Variants in SMOC2 observed in about 807,000 individuals in gnomAD.
The protein encoded by SMOC2 is SPARC related modular calcium binding 2, also known as SPARC-related modular calcium-binding protein 2.
In SMOC2, 39 loss-of-function variants were observed where a neutral mutation model predicts 61.4. The ratio of observed to expected loss-of-function variants is 0.64; its 90% confidence interval spans 0.49 to 0.83. SMOC2 has a LOEUF of 0.83. Among genes scored for constraint, SMOC2 ranks in the 40% least tolerant of loss-of-function variants. SMOC2 has a pLI of 0.00. For synonymous variants in SMOC2, 247 were observed against 239.9 expected (o/e 1.03, Z -0.27); for missense variants, 556 against 592.9 (o/e 0.94, Z 0.65).
At chr6:168,513,950 C>A (rs1018125372) in intron 2 of SMOC2, among the ~76,000 whole-genome samples, 1 of 152,214 alleles carries the variant, frequency 6.6e-6, no homozygotes, top group African/African-American at 2.4e-5. Flanking sequence ...TCAGACTCTC[C>A]TATGAGGTGG....
intron 1 of SMOC2, among the ~76,000 whole-genome samples, chr6:168,508,773 C>T (rs1487932472): frequency 6.6e-6 from 1 of 152,260 alleles, no homozygotes; most frequent in Non-Finnish European, 1.5e-5. Context: ...AACAATGCCA[C>T]ATAGCCCCGC....
rs1158719427 is a variant in SMOC2 at position 168,595,794 on chromosome 6, G to C, written c.638-3024G>C. ...TATCATGCTCATCAAATTTTAAGAG[G>C]TTGATTTAATCCATCTTATTTTGCT... On this transcript the variant is annotated intron_variant, in intron 7 of 12. Transcript: ENST00000356284. Among the ~76,000 whole-genome samples, 12 of 152,274 alleles carry C rather than the reference G, an allele frequency of 7.9e-5. 1 individual carries two copies. The highest frequency in any genetic ancestry group is 2.9e-4 in the African/African-American group (12 of 41,554).
At chr6:168,546,425 T>C (rs1017000672) in intron 5 of SMOC2, among the ~76,000 whole-genome samples, 4 of 152,054 alleles carry the variant, frequency 2.6e-5, no homozygotes, top group African/African-American at 9.7e-5. Flanking sequence ...GGGGGCCCAA[T>C]GTGTGTGTGT....
chr6:168,595,456 C>T (rs1481143256), intron 7 of SMOC2, among the ~76,000 whole-genome samples: 1 of 152,208 alleles, frequency 6.6e-6, no homozygotes, highest in Admixed American at 6.5e-5. Flanking sequence ...GAGAACCACC[C>T]CCGTCAGCTC....
intron 9 of SMOC2, among the ~76,000 whole-genome samples, chr6:168,611,554 C>T (rs1482113291): frequency 1.8e-5 from 1 of 54,634 alleles, no homozygotes; most frequent in East Asian, 5.9e-4. Flanking sequence ...TTCCCATGTC[C>T]GGGACCCACT....
chr6:168,650,370 G>A (rs1787161378), intron 9 of SMOC2, among the ~76,000 whole-genome samples: 1 of 152,166 alleles, frequency 6.6e-6, no homozygotes, highest in Non-Finnish European at 1.5e-5. Flanking sequence ...TAAGCACCCG[G>A]TGCCTCTGCT....
chr6:168,535,225 C>T lies in SMOC2; in HGVS notation c.463+7498C>T, dbSNP rs990213838. Among the ~76,000 whole-genome samples, 1 of 152,090 alleles carries T rather than the reference C, an allele frequency of 6.6e-6. No individual in the cohort carries two copies. Among genetic ancestry groups the T allele is most frequent in the African/African-American group, 2.4e-5 (1 of 41,418 alleles). ...GACCTTGTGATCCGCTCACCTTGGCCTCCCAAAGTGCTGGGATTACAGGCA... is the reference window on the plus strand; with the variant it reads ...GACCTTGTGATCCGCTCACCTTGGCTTCCCAAAGTGCTGGGATTACAGGCA... On this transcript the variant is annotated intron_variant, in intron 4 of 12. Transcript: ENST00000356284. This position sits in a 1 kb window ranked among gnomAD's most constrained non-coding sequence, Gnocchi z 4.6.
At chr6:168,443,863 G>A (rs1035614790) in intron 1 of SMOC2, among the ~76,000 whole-genome samples, 1 of 152,166 alleles carries the variant, frequency 6.6e-6, no homozygotes, top group Non-Finnish European at 1.5e-5. Flanking sequence ...GTGACTTCAG[G>A]CAAGTTACTT....
chr6:168,510,165 A>G, intron 2 of SMOC2, 79 bp downstream of exon 2: 2 of 1,444,550 alleles, frequency 1.4e-6, no homozygotes, highest in South Asian at 2.6e-5. Flanking sequence ...TTCATACTTG[A>G]TAACTTTTTA....
rs1300520334 is a variant in SMOC2 at position 168,544,204 on chromosome 6, C to T, written c.511+532C>T. Reference sequence around the variant, plus strand: ...TCTGCGGGGTCTGTCACATGCCCACCATGACCCCCCTGGGAAAGTCTCCAT... The same window carrying T: ...TCTGCGGGGTCTGTCACATGCCCACTATGACCCCCCTGGGAAAGTCTCCAT... On this transcript the variant is annotated intron_variant, in intron 5 of 12. Coordinates refer to ENST00000356284, the MANE Select transcript of SMOC2 (RefSeq NM_001166412.2). This position sits in a 1 kb window ranked among gnomAD's most constrained non-coding sequence, Gnocchi z 4.1. Among the ~76,000 whole-genome samples the T allele has an allele frequency of 3.3e-5, 5 of 152,188 alleles. No homozygotes were observed. The highest frequency in any genetic ancestry group is 1.2e-4 in the African/African-American group (5 of 41,442).
intron 2 of SMOC2, among the ~76,000 whole-genome samples, chr6:168,519,507 G>T (rs1383065275): frequency 6.6e-6 from 1 of 152,162 alleles, no homozygotes; most frequent in Non-Finnish European, 1.5e-5. Flanking sequence ...TTCCTCACAG[G>T]CTGGGGTAGA....
intron 1 of SMOC2, among the ~76,000 whole-genome samples, chr6:168,447,338 T>G (rs963291365): frequency 6.6e-6 from 1 of 152,204 alleles, no homozygotes; most frequent in South Asian, 2.1e-4. Flanking sequence ...GTCATCGATT[T>G]TCTTTCTCTT....
At chr6:168,639,693 G>T (rs111295302) in intron 9 of SMOC2, among the ~76,000 whole-genome samples, 2,764 of 152,298 alleles carry the variant, frequency 0.018, 85 homozygotes, top group African/African-American at 0.064. Context: ...CTTGGAATGC[G>T]TTCGATTCCA....
In SMOC2 at chr6:168,580,063, G is replaced by A. The variant is rs1159465841; in HGVS notation, c.638-18755G>A. On this transcript the variant is annotated intron_variant, in intron 7 of 12. Coordinates refer to ENST00000356284, the MANE Select transcript of SMOC2 (RefSeq NM_001166412.2). ...CATCAGGGGCTCTGAGATGCGTTCC[G>A]AGATGGTCTGTCTTTGTCACGGCTT... 4.6e-5 allele frequency among the ~76,000 whole-genome samples: 6 copies of A among 131,602 alleles called. No homozygotes were observed. In the East Asian group the frequency reaches 8.7e-4, roughly 19 times the overall value. 86.3% of individuals were successfully genotyped at this position (131,602 alleles called of 152,430 possible). A position where few individuals can be genotyped will look rare whatever the true frequency, so the allele number is the denominator to read the frequency against.
At chr6:168,472,902 ACT>A (rs1282927558) in intron 1 of SMOC2, among the ~76,000 whole-genome samples, 1 of 152,024 alleles carries the variant, frequency 6.6e-6, no homozygotes, top group Admixed American at 6.5e-5. Context: ...CTCCTCCCAC[ACT>A]GTTTGGTGCT....
rs2114995760 is a variant in SMOC2 at position 168,453,638 on chromosome 6, CTCTG to C, written c.84+12188_84+12191del. On this transcript the variant is annotated intron_variant, in intron 1 of 12. Transcript: ENST00000356284. The surrounding 1 kb of genome is among the most constrained non-coding windows in gnomAD (Gnocchi z 4.4). Reference sequence around the variant, plus strand: ...TTCCTGTCTCTGTCTCTTTGTCTCTCTCTGTCTCTTTCTCTCTGTCTCTTCCTGT... The same window carrying C: ...TTCCTGTCTCTGTCTCTTTGTCTCTCTCTCTTTCTCTCTGTCTCTTCCTGT... 6.6e-6 allele frequency among the ~76,000 whole-genome samples: 1 copy of C among 151,882 alleles called. No individual in the cohort carries two copies. Among genetic ancestry groups the C allele is most frequent in the African/African-American group, 2.4e-5 (1 of 41,452 alleles).
intron 9 of SMOC2, among the ~76,000 whole-genome samples, chr6:168,635,865 T>C (rs1321474734): frequency 1.0e-5 from 1 of 97,202 alleles, no homozygotes; most frequent in African/African-American, 3.8e-5. Flanking sequence ...AACAAGACTC[T>C]GTCTCAAAAA....
intron 7 of SMOC2, among the ~76,000 whole-genome samples, chr6:168,557,425 A>G (rs1175004746): frequency 2.0e-5 from 3 of 152,220 alleles, no homozygotes; most frequent in Non-Finnish European, 4.4e-5. Context: ...TTCAATATTC[A>G]ATCACACTGT....
intron 9 of SMOC2, among the ~76,000 whole-genome samples, chr6:168,649,715 C>G (rs1787143772): frequency 6.6e-6 from 1 of 152,172 alleles, no homozygotes. Flanking sequence ...GGGTGGGGCT[C>G]CTACCTCTTG....
Sources: allele counts gnomAD v4.1 joint callset (sites outside exome capture counted in the v4.1 genomes callset), GRCh38; gene constraint gnomAD v4.1.1; non-coding constraint Gnocchi (gnomAD v3.1); transcripts MANE v1.5; gene names NCBI Gene and HGNC (gene_info 2026-07-23, HGNC 2026-07-21).